Variants in DSG3 observed in about 807,000 individuals in gnomAD.
DSG3 encodes the protein desmoglein-3.
DSG3 carries 63 observed loss-of-function variants against 85.9 expected under a neutral mutation model. The observed-to-expected ratio is 0.73, with a 90% CI of 0.60 to 0.90. The LOEUF is 0.90. DSG3 is among the 40% of genes least tolerant of loss of function. The pLI is 0.00. For missense variants in DSG3, 1,220 were observed against 1,219.9 expected, an observed-to-expected ratio of 1.00 and a Z score of 0.00; for synonymous variants, 447 against 441.9, an observed-to-expected ratio of 1.01 and a Z score of -0.14.
rs2072896202 is a variant in DSG3 at position 31,477,467 on chromosome 18, G to C, written c.*1207G>C. The C allele has an allele frequency of 6.6e-6, 1 of 152,142 alleles. No individual in the cohort carries two copies. Among genetic ancestry groups the C allele is most frequent in the Non-Finnish European group, 1.5e-5 (1 of 68,030 alleles). 9.4% of individuals were successfully genotyped at this position (152,142 alleles called of 1,614,324 possible). ...TATAAGCAAAACGGGCCAATGACTA[G>C]AATAACACATAGGGCAATCTGTGAA... is the stretch of plus-strand genomic sequence containing the variant. On this transcript the variant is annotated 3_prime_UTR_variant, in exon 16 of 16. Transcript: ENST00000257189.
Position 31,464,325 on chromosome 18 carries a change from T to A in DSG3, c.1214T>A (p.Ile405Asn), listed in dbSNP as rs151296663. The A allele has an allele frequency of 1.0e-4, 169 of 1,614,128 alleles. 1 individual carries two copies. In the African/African-American group the frequency reaches 2.1e-3, roughly 20 times the overall value. Residue 405 changes from isoleucine (I) to asparagine (N), a missense_variant, in exon 9 of 16, where the codon ATC (isoleucine) becomes AAC (asparagine). Physicochemically the swap from Ile to Asn is moderately radical, Grantham distance 149. Transcript: ENST00000257189. ...AGTAGCAAAAAATTGGTGGATTATA[T>A]CCTGGGAACATATCAAGCCATCGAT... The part of the protein sequence containing the change: ...GISSKKLVDY[I>N]LGTYQAIDED...
At chr18:31,448,810 TTTC>T (rs1296937559) in intron 1 of DSG3, among the ~76,000 whole-genome samples, 1 of 144,770 alleles carries the variant, frequency 6.9e-6, no homozygotes, top group Non-Finnish European at 1.5e-5. Flanking sequence ...ATTTACCTCA[TTTC>T]TTCATGAAAA....
At chr18:31,454,945 T>A (rs1432556620) in intron 1 of DSG3, among the ~76,000 whole-genome samples, 2 of 147,156 alleles carry the variant, frequency 1.4e-5, no homozygotes, top group Non-Finnish European at 3.0e-5. Flanking sequence ...TTACATTGAG[T>A]CAAGATCGCA....
intron 11 of DSG3, 58 bp downstream of exon 11, chr18:31,466,812 G>A: frequency 6.8e-7 from 1 of 1,459,958 alleles, no homozygotes; most frequent in Non-Finnish European, 9.5e-7. Context: ...ATTTCCAGAA[G>A]AATAAGGAAG....
chr18:31,464,853 T>G (rs2072807698), intron 9 of DSG3, among the ~76,000 whole-genome samples: 1 of 152,138 alleles, frequency 6.6e-6, no homozygotes, highest in African/African-American at 2.4e-5. Flanking sequence ...TTATGAAATA[T>G]GGGCCTGGCA....
Position 31,459,211 on chromosome 18 carries a change from T to C in DSG3, c.517+34T>C, listed in dbSNP as rs114028676. On this transcript the variant is annotated intron_variant, in intron 5 of 15. Transcript: ENST00000257189. ...TTTACAGTACTTACCACTTTCAGTT[T>C]ATCTACTTTCAAATATGAGTCCCAC... is the stretch of plus-strand genomic sequence containing the variant. 203 of 1,579,980 alleles carry C rather than the reference T, an allele frequency of 1.3e-4. 1 individual carries two copies. The African/African-American group carries it at 2.5e-3, about 20-fold the overall frequency.
rs369073235 is a variant in DSG3, at chr18:31,456,521, TAA to T, written c.84+54_84+55del. The stretch of plus-strand genomic sequence containing the variant: ...TTGTACTTAAAATAATAGTTTAGTT[TAA>T]AAAAAAATTAAATTGTGTTTAGTAG... On this transcript the variant is annotated intron_variant, in intron 2 of 15. Coordinates refer to ENST00000257189, the MANE Select transcript of DSG3 (RefSeq NM_001944.3). The T allele has an allele frequency of 4.6e-6, 5 of 1,086,532 alleles. No individual in the cohort carries two copies. The East Asian group carries it at 1.2e-4, about 26-fold the overall frequency. 67.3% of individuals were successfully genotyped at this position (1,086,532 alleles called of 1,614,324 possible).
intron 10 of DSG3, 89 bp downstream of exon 10, chr18:31,465,546 A>T: frequency 6.8e-6 from 8 of 1,176,108 alleles, no homozygotes; most frequent in Non-Finnish European, 8.9e-6. Context: ...TCAACATATT[A>T]TCTTTACCAC....
At chr18:31,458,314 A>G (rs1288678261) in intron 3 of DSG3, 131 bp from the exon 4 acceptor site, 10 of 1,059,922 alleles carry the variant, frequency 9.4e-6, no homozygotes, top group Non-Finnish European at 1.4e-5. Flanking sequence ...CTATCAAGGC[A>G]AAAAGTAAAT....
At chr18:31,458,885 C>A in intron 4 of DSG3, 148 bp from the exon 5 acceptor site, 1 of 1,090,888 alleles carries the variant, frequency 9.2e-7, no homozygotes, top group Non-Finnish European at 1.3e-6. Flanking sequence ...AGAGCAGGCA[C>A]CTTTTTCCAC....
chr18:31,449,054 G>A (rs562035302), intron 1 of DSG3, among the ~76,000 whole-genome samples: 8 of 152,024 alleles, frequency 5.3e-5, no homozygotes, highest in Non-Finnish European at 1.2e-4. Flanking sequence ...CACCACCACA[G>A]CCAGCTAATT....
rs113513813 is a variant in DSG3 at position 31,476,392 on chromosome 18, G to A, written c.*132G>A. The stretch of plus-strand genomic sequence containing the variant: ...TTAGCTTCTCTCATAAACTGATCAC[G>A]ATTATAAATTAAATGTTTGGGTTCA... On this transcript the variant is annotated 3_prime_UTR_variant, in exon 16 of 16. Coordinates refer to ENST00000257189, the MANE Select transcript of DSG3 (RefSeq NM_001944.3). 1.8e-3 allele frequency: 1,962 copies of A among 1,062,298 alleles called. 33 individuals carry two copies. The African/African-American group carries it at 0.028, about 15-fold the overall frequency. The allele number at this position is 1,062,298 out of a possible 1,614,324, so 65.8% of individuals were successfully genotyped here.
chr18:31,458,803 G>A lies in DSG3; in HGVS notation c.372+203G>A, dbSNP rs34861682. 0.11 allele frequency among the ~76,000 whole-genome samples: 16,094 copies of A among 152,182 alleles called. 951 individuals are homozygous for A. The highest frequency in any genetic ancestry group is 0.12 in the African/African-American group (5,040 of 41,522). ...ATGAGTGAGGGTTGAAATCTAGCAC[G>A]CCAAGTGCTTCAGTTTGCCATGACA... On this transcript the variant is annotated intron_variant, in intron 4 of 15. Coordinates refer to ENST00000257189, the MANE Select transcript of DSG3 (RefSeq NM_001944.3).
chr18:31,461,650 C>T (rs2144272702), intron 8 of DSG3, among the ~76,000 whole-genome samples: 1 of 152,266 alleles, frequency 6.6e-6, no homozygotes, highest in South Asian at 2.1e-4. Flanking sequence ...CACTAACATG[C>T]TATGGGAGTG....
At chr18:31,474,830 C>G (rs992693338) in intron 15 of DSG3, among the ~76,000 whole-genome samples, 2 of 152,212 alleles carry the variant, frequency 1.3e-5, no homozygotes, top group African/African-American at 4.8e-5. Flanking sequence ...AGTAGTATCT[C>G]ATTCCTCCAA....
intron 1 of DSG3, among the ~76,000 whole-genome samples, chr18:31,453,764 G>A (rs944433261): frequency 2.0e-5 from 3 of 152,002 alleles, no homozygotes; most frequent in African/African-American, 2.4e-5. Flanking sequence ...TTTTCTCCAT[G>A]TTGGTATTTC....
chr18:31,466,469 C>T, intron 10 of DSG3, 61 bp from the exon 11 acceptor site: 1 of 1,436,252 alleles, frequency 7.0e-7, no homozygotes, highest in East Asian at 2.3e-5. Context: ...GTAAAAGATT[C>T]TCCTTTTTTG....
chr18:31,456,346 G>A (rs1196589350), intron 1 of DSG3, 94 bp from the exon 2 acceptor site: 4 of 842,728 alleles, frequency 4.7e-6, no homozygotes, highest in Non-Finnish European at 6.7e-6. Context: ...ATCACAATAT[G>A]AACAATAGAA....
At chr18:31,462,616 C>T (rs894366078) in intron 8 of DSG3, among the ~76,000 whole-genome samples, 1 of 152,144 alleles carries the variant, frequency 6.6e-6, no homozygotes, top group African/African-American at 2.4e-5. Flanking sequence ...TTCAGTCTCC[C>T]AAACTAGAAA....
Sources: gnomAD v4.1 joint callset for allele counts (sites outside exome capture counted in the v4.1 genomes callset) on GRCh38, gnomAD v4.1.1 for gene constraint, MANE v1.5 for transcripts, NCBI Gene and HGNC (gene_info 2026-07-23, HGNC 2026-07-21) for gene names.